NFE2L3: variants seen among roughly 807,000 people sequenced by gnomAD.
The protein encoded by NFE2L3 is NFE2 like bZIP transcription factor 3, also known as nuclear factor erythroid 2-related factor 3.
In NFE2L3, 18 loss-of-function variants were observed where a neutral mutation model predicts 23.5. The observed-to-expected ratio is 0.77, with a 90% confidence interval of 0.53 to 1.13. The LOEUF (loss-of-function observed/expected upper bound fraction) is 1.13, where lower values mean the gene tolerates loss of function less well. NFE2L3 is among the 50% of genes most tolerant of loss of function. The probability of loss-of-function intolerance (pLI) is 0.00; values close to 1 mark genes in which losing one functional copy is unlikely to be tolerated. For synonymous variants in NFE2L3, 424 were observed against 354.5 expected (o/e 1.20, Z -2.20); for missense variants, 1,152 against 877.2 (o/e 1.31, Z -3.96).
At chr7:26,183,322 T>A (rs1263514805) in intron 2 of NFE2L3, among the ~76,000 whole-genome samples, 2 of 152,030 alleles carry the variant, frequency 1.3e-5, no homozygotes, top group African/African-American at 2.4e-5. Flanking sequence ...CCTAGGTGGG[T>A]GGATCACTTG....
intron 1 of NFE2L3, among the ~76,000 whole-genome samples, chr7:26,155,740 G>T (rs965348725): frequency 6.6e-6 from 1 of 152,190 alleles, no homozygotes; most frequent in Non-Finnish European, 1.5e-5. Context: ...GGAGAAAATG[G>T]GCTGGAAAAA....
At chr7:26,180,965 CTTT>C (rs112896552) in intron 2 of NFE2L3, among the ~76,000 whole-genome samples, 7 of 146,142 alleles carry the variant, frequency 4.8e-5, no homozygotes, top group African/African-American at 1.5e-4. Context: ...GTACTTAACA[CTTT>C]TTTTTTTTTT....
In NFE2L3 at chr7:26,185,821, A is replaced by G. The variant is rs1314683375; in HGVS notation, c.*38A>G. The G allele has an allele frequency of 2.7e-6, 4 of 1,489,710 alleles. No individual in the cohort carries two copies. In the African/African-American group the frequency reaches 4.3e-5, roughly 16 times the overall value. The allele number at this position is 1,489,710 out of a possible 1,614,324, so 92.3% of individuals were successfully genotyped here. A position where few individuals can be genotyped will look rare whatever the true frequency, so the allele number is the denominator to read the frequency against. On this transcript the variant is annotated 3_prime_UTR_variant, in exon 4 of 4. Transcript: ENST00000056233. Reference sequence around the variant, plus strand: ...GATGGACTCTATTATGTGAAGTAGTAATGTTCAGAAACTGATTATTTGGAT... The same window carrying G: ...GATGGACTCTATTATGTGAAGTAGTGATGTTCAGAAACTGATTATTTGGAT...
chr7:26,164,732 A>G (rs1012588741), intron 1 of NFE2L3, among the ~76,000 whole-genome samples: 2 of 152,198 alleles, frequency 1.3e-5, no homozygotes, highest in African/African-American at 2.4e-5. Context: ...GTCCTTGCCC[A>G]TGCTATATGT....
At chr7:26,182,625 C>A (rs1782337364) in intron 2 of NFE2L3, among the ~76,000 whole-genome samples, 1 of 148,354 alleles carries the variant, frequency 6.7e-6, no homozygotes, top group South Asian at 2.1e-4. Context: ...AAGACTGTCT[C>A]AAAATAATTC....
intron 1 of NFE2L3, among the ~76,000 whole-genome samples, chr7:26,175,535 T>C (rs1031798690): frequency 6.6e-6 from 1 of 152,038 alleles, no homozygotes; most frequent in Non-Finnish European, 1.5e-5. Flanking sequence ...CCCAGCACTT[T>C]GGGAGGCCGA....
intron 1 of NFE2L3, among the ~76,000 whole-genome samples, chr7:26,173,033 T>C (rs2128098953): frequency 6.6e-6 from 1 of 152,244 alleles, no homozygotes; most frequent in East Asian, 1.9e-4. Flanking sequence ...ATTTCCTTTT[T>C]CCTTCATTTA....
intron 2 of NFE2L3, among the ~76,000 whole-genome samples, chr7:26,181,533 T>C (rs1562677750): frequency 6.6e-6 from 1 of 152,144 alleles, no homozygotes; most frequent in East Asian, 1.9e-4. Flanking sequence ...CACACTACCA[T>C]CACCATCAAG....
rs756037657 is a variant in NFE2L3 at position 26,185,640 on chromosome 7, A to G, written c.1942A>G (p.Arg648Gly). ...LHDLYHDIFS[R>G]LRDDQGRPVN... ...TGACCTTTATCATGATATTTTTAGT[A>G]GATTAAGAGATGACCAAGGTAGGCC... is the stretch of plus-strand genomic sequence containing the variant. The change falls in exon 4 of 4, where the codon AGA (arginine) becomes GGA (glycine). Residue 648 changes from arginine to glycine, a missense_variant. Coordinates refer to ENST00000056233, the MANE Select transcript of NFE2L3 (RefSeq NM_004289.7). 12 of 1,613,826 alleles carry G rather than the reference A, an allele frequency of 7.4e-6. No individual in the cohort carries two copies. The highest frequency in any genetic ancestry group is 8.5e-7 in the Non-Finnish European group (1 of 1,179,840).
chr7:26,185,604 C>G lies in NFE2L3; in HGVS notation c.1906C>G (p.Gln636Glu). The change falls in exon 4 of 4, where the codon CAG becomes GAG. Residue 636 changes from glutamine to glutamate, a missense_variant. Gln to Glu is a conservative substitution (Grantham distance 29). Coordinates refer to ENST00000056233, the MANE Select transcript of NFE2L3 (RefSeq NM_004289.7). The part of the protein sequence containing the change: ...QCNKAINIMK[Q>E]KLHDLYHDIF... ...TAACAAAGCTATTAACATAATGAAACAGAAACTGCATGACCTTTATCATGA... is the reference window on the plus strand; with the variant it reads ...TAACAAAGCTATTAACATAATGAAAGAGAAACTGCATGACCTTTATCATGA... 1 of 1,613,790 alleles carries G rather than the reference C, an allele frequency of 6.2e-7. No individual in the cohort carries two copies. Among genetic ancestry groups the G allele is most frequent in the Non-Finnish European group, 8.5e-7 (1 of 1,179,790 alleles).
chr7:26,183,539 C>T (rs1045866691), intron 2 of NFE2L3, among the ~76,000 whole-genome samples, 162 bp from the exon 3 acceptor site: 5 of 143,724 alleles, frequency 3.5e-5, no homozygotes, highest in Admixed American at 6.9e-5. Flanking sequence ...GAGTGAGATC[C>T]GTCTCAAAAT....
chr7:26,183,264 T>A (rs1782370767), intron 2 of NFE2L3, among the ~76,000 whole-genome samples: 1 of 151,914 alleles, frequency 6.6e-6, no homozygotes, highest in Non-Finnish European at 1.5e-5. Flanking sequence ...ATCAGAGAAA[T>A]AGGTCAGCTG....
intron 1 of NFE2L3, chr7:26,174,887 G>C (rs951921172): frequency 6.6e-6 from 1 of 152,158 alleles, no homozygotes; most frequent in African/African-American, 2.4e-5. Context: ...ATCTGAATAT[G>C]CAGTACACTC....
At chr7:26,166,387 C>T (rs540294182) in intron 1 of NFE2L3, among the ~76,000 whole-genome samples, 6 of 152,302 alleles carry the variant, frequency 3.9e-5, no homozygotes, top group African/African-American at 1.4e-4. Context: ...CAGCTGGAAG[C>T]CAGCCAGCAC....
At chr7:26,180,170 T>C (rs1334513290) in intron 2 of NFE2L3, among the ~76,000 whole-genome samples, 1 of 152,166 alleles carries the variant, frequency 6.6e-6, no homozygotes, top group Non-Finnish European at 1.5e-5. Context: ...ACACTAAGCT[T>C]CTGTGTCCCC....
At chr7:26,176,970 C>T (rs1377438756) in intron 1 of NFE2L3, among the ~76,000 whole-genome samples, 1 of 61,020 alleles carries the variant, frequency 1.6e-5, no homozygotes, top group African/African-American at 8.8e-5. Flanking sequence ...GGGGTGGCAG[C>T]CGGGCAGAGG....
chr7:26,166,199 A>G (rs1337729962), intron 1 of NFE2L3, among the ~76,000 whole-genome samples: 5 of 152,168 alleles, frequency 3.3e-5, no homozygotes, highest in Admixed American at 3.3e-4. Context: ...GACTTCTTAC[A>G]GCCATGTGGT....
chr7:26,176,328 C>T (rs1468042540), intron 1 of NFE2L3, among the ~76,000 whole-genome samples: 1 of 152,174 alleles, frequency 6.6e-6, no homozygotes, highest in African/African-American at 2.4e-5. Flanking sequence ...TTCTTTTTGA[C>T]AAAACCGCCA....
chr7:26,157,062 AGATC>A, intron 1 of NFE2L3, among the ~76,000 whole-genome samples: 1 of 151,958 alleles, frequency 6.6e-6, no homozygotes, highest in East Asian at 1.9e-4. Flanking sequence ...CAGTGAGCCG[AGATC>A]GCTCTACTGC....
Sources: allele counts gnomAD v4.1 joint callset (sites outside exome capture counted in the v4.1 genomes callset), GRCh38; gene constraint gnomAD v4.1.1; transcripts MANE v1.5; gene names NCBI Gene and HGNC (gene_info 2026-07-23, HGNC 2026-07-21).